The following DPP10 variants were observed in gnomAD, a reference collection of about 807,000 sequenced individuals.
DPP10 encodes the protein dipeptidyl peptidase like 10.
In DPP10, 33 loss-of-function variants were observed where a neutral mutation model predicts 120.9. The ratio of observed to expected loss-of-function variants is 0.27; its 90% CI spans 0.21 to 0.37. DPP10 has a LOEUF of 0.37. DPP10 is among the 10% of genes least tolerant of loss of function. The pLI, the probability that DPP10 is intolerant of heterozygous loss-of-function variation, is 1.00. For synonymous variants in DPP10, 337 were observed against 326.1 expected, an observed-to-expected ratio of 1.03 and a Z score of -0.36; for missense variants, 816 against 942.8, an observed-to-expected ratio of 0.87 and a Z score of 1.76.
At chr2:114,580,056 C>T (rs1003565905) in intron 1 of DPP10, among the ~76,000 whole-genome samples, 2 of 152,312 alleles carry the variant, frequency 1.3e-5, no homozygotes, top group Admixed American at 6.5e-5. Context: ...AAGAGCTTTA[C>T]ATGTCTAACA....
intron 1 of DPP10, among the ~76,000 whole-genome samples, chr2:114,543,873 T>TTTGTTG (rs35592111): frequency 6.2e-4 from 72 of 116,844 alleles, no homozygotes; most frequent in African/African-American, 2.4e-3. Context: ...GCTTGTTTTT[T>TTTGTTG]TTGTTGTTGG....
intron 1 of DPP10, among the ~76,000 whole-genome samples, chr2:114,955,861 GAC>G (rs1056021732): frequency 2.3e-4 from 35 of 152,224 alleles, no homozygotes; most frequent in African/African-American, 8.2e-4. Context: ...CATTTCAATA[GAC>G]ACAGAAAAAG....
chr2:115,463,267 T>C (rs1209183679), intron 3 of DPP10, among the ~76,000 whole-genome samples: 1 of 152,198 alleles, frequency 6.6e-6, no homozygotes, highest in Non-Finnish European at 1.5e-5. Context: ...GAGATTCCTA[T>C]ACCACACCTG....
intron 1 of DPP10, among the ~76,000 whole-genome samples, chr2:114,949,472 A>G (rs1697615080): frequency 6.6e-6 from 1 of 152,156 alleles, no homozygotes; most frequent in Admixed American, 6.5e-5. Context: ...AGGCTGTAAG[A>G]CTTCTCAAAC....
At chr2:115,459,920 A>G (rs966810499) in intron 3 of DPP10, among the ~76,000 whole-genome samples, 2 of 35,636 alleles carry the variant, frequency 5.6e-5, no homozygotes, top group African/African-American at 8.6e-5. Context: ...AGTAAAACAT[A>G]TATTTTATAT....
chr2:115,292,987 G>T (rs1384139411), intron 1 of DPP10, among the ~76,000 whole-genome samples: 1 of 152,028 alleles, frequency 6.6e-6, no homozygotes, highest in Non-Finnish European at 1.5e-5. Context: ...TATTTTGATG[G>T]ATTCACCAAG....
chr2:115,422,687 A>G (rs1200552616), intron 3 of DPP10, among the ~76,000 whole-genome samples: 1 of 152,154 alleles, frequency 6.6e-6, no homozygotes, highest in Non-Finnish European at 1.5e-5. Context: ...AGTTGAATTG[A>G]GAACAAAGAG....
intron 3 of DPP10, among the ~76,000 whole-genome samples, chr2:115,492,385 A>G (rs758852926): frequency 3.3e-5 from 5 of 152,160 alleles, no homozygotes; most frequent in African/African-American, 1.2e-4. Context: ...AGGTATTTCA[A>G]TAAGTGGTCT....
At chr2:115,665,898 A>G (rs913702255) in intron 5 of DPP10, among the ~76,000 whole-genome samples, 6 of 150,884 alleles carry the variant, frequency 4.0e-5, no homozygotes, top group African/African-American at 1.5e-4. Context: ...TCTTTTTTAT[A>G]AATTGTTTAT....
chr2:114,459,147 A>G (rs1325300580), intron 1 of DPP10, among the ~76,000 whole-genome samples: 1 of 152,192 alleles, frequency 6.6e-6, no homozygotes, highest in Non-Finnish European at 1.5e-5. Context: ...TGTTTGCAGA[A>G]TGAGTGTTGA....
At chr2:115,600,461 T>A (rs2083255191) in intron 5 of DPP10, among the ~76,000 whole-genome samples, 1 of 152,220 alleles carries the variant, frequency 6.6e-6, no homozygotes, top group African/African-American at 2.4e-5. Context: ...TTTCTTAAAA[T>A]TTTTATTTAC....
intron 1 of DPP10, among the ~76,000 whole-genome samples, chr2:114,522,276 G>A (rs985425902): frequency 1.3e-5 from 2 of 152,022 alleles, no homozygotes; most frequent in African/African-American, 2.4e-5. Flanking sequence ...GAGCCACCGC[G>A]CCCGGCCTAT....
intron 1 of DPP10, among the ~76,000 whole-genome samples, chr2:114,557,018 T>TG (rs1199991063): frequency 8.0e-6 from 1 of 124,356 alleles, no homozygotes; most frequent in East Asian, 2.5e-4. Context: ...TTTTTTTTTT[T>TG]TTAAGAATTT....
chr2:114,873,581 G>A (rs536874413), intron 1 of DPP10, among the ~76,000 whole-genome samples: 4 of 152,250 alleles, frequency 2.6e-5, no homozygotes, highest in African/African-American at 7.2e-5. Flanking sequence ...TCATGGCTGC[G>A]TGGCTTTCTG....
intron 2 of DPP10, among the ~76,000 whole-genome samples, chr2:115,315,733 GT>G (rs926275557): frequency 6.6e-5 from 10 of 151,988 alleles, no homozygotes; most frequent in African/African-American, 1.7e-4. Flanking sequence ...GTCTCTGCTT[GT>G]TTTTTTCAAC....
intron 2 of DPP10, among the ~76,000 whole-genome samples, chr2:115,333,787 A>T (rs2062913288): frequency 6.6e-6 from 1 of 152,104 alleles, no homozygotes; most frequent in African/African-American, 2.4e-5. Flanking sequence ...TTCTGCCGAG[A>T]GATCCGCTGT....
intron 1 of DPP10, among the ~76,000 whole-genome samples, chr2:114,965,056 A>G (rs779279159): frequency 9.9e-5 from 15 of 152,204 alleles, no homozygotes; most frequent in Non-Finnish European, 2.1e-4. Flanking sequence ...TAGAGTTGAC[A>G]TTAACTGAGA....
In DPP10 at chr2:115,360,473, C is replaced by T. The variant is rs79152834; in HGVS notation, c.271+16561C>T. On this transcript the variant is annotated intron_variant, in intron 3 of 25. Coordinates refer to ENST00000410059, the MANE Select transcript of DPP10 (RefSeq NM_020868.6). ...TTGTTTGGTGGTGTAATTCAGACTG[C>T]GTTCCATTAGATGGCATTTAAGAAT... Among the ~76,000 whole-genome samples, 44 of 152,252 alleles carry T rather than the reference C, an allele frequency of 2.9e-4. No individual in the cohort carries two copies. The East Asian group carries it at 6.8e-3, about 23-fold the overall frequency.
intron 1 of DPP10, among the ~76,000 whole-genome samples, chr2:114,765,584 A>T (rs1680641836): frequency 6.6e-6 from 1 of 152,208 alleles, no homozygotes; most frequent in African/African-American, 2.4e-5. Context: ...GAGATCAATT[A>T]TAAGTAACAT....
Sources: gnomAD v4.1 joint callset for allele counts (sites outside exome capture counted in the v4.1 genomes callset) on GRCh38, gnomAD v4.1.1 for gene constraint, MANE v1.5 for transcripts, NCBI Gene and HGNC (gene_info 2026-07-23, HGNC 2026-07-21) for gene names.